Variants in HEMK2 observed in about 807,000 individuals in gnomAD.
The protein encoded by HEMK2 is HemK methyltransferase 2, ETF1 glutamine and histone H4 lysine, also known as methyltransferase HEMK2.
At chr21:28,628,247 T>A in the HEMK2 span, among the ~76,000 whole-genome samples, 1 of 152,164 alleles carries the variant, frequency 6.6e-6, no homozygotes, top group Non-Finnish European at 1.5e-5. Flanking sequence ...TTCCTTTTTA[T>A]TTGACATGCT....
At chr21:28,865,901 A>G in the HEMK2 span, among the ~76,000 whole-genome samples, 4 of 151,970 alleles carry the variant, frequency 2.6e-5, no homozygotes, top group African/African-American at 9.7e-5. Flanking sequence ...CCAAAATTCT[A>G]AAGTTGCCCT....
chr21:28,776,839 G>A, the HEMK2 span, among the ~76,000 whole-genome samples: 5 of 152,130 alleles, frequency 3.3e-5, no homozygotes, highest in South Asian at 2.1e-4. Flanking sequence ...GTCCTTCCAC[G>A]TTCTTCTGCC....
the HEMK2 span, among the ~76,000 whole-genome samples, chr21:28,653,026 C>A: frequency 6.6e-6 from 1 of 152,232 alleles, no homozygotes; most frequent in African/African-American, 2.4e-5. Flanking sequence ...TAACCCTCCC[C>A]TTAATTTGCA....
chr21:28,576,040 T>A, the HEMK2 span, among the ~76,000 whole-genome samples: 1 of 152,212 alleles, frequency 6.6e-6, no homozygotes, highest in Admixed American at 6.5e-5. Flanking sequence ...ATGAACAAAA[T>A]TGTAATGAGC....
chr21:28,810,955 A>C, the HEMK2 span, among the ~76,000 whole-genome samples: 1 of 152,322 alleles, frequency 6.6e-6, no homozygotes, highest in African/African-American at 2.4e-5. Context: ...AAAGATGGAG[A>C]AGGAATCATG....
chr21:28,871,385 C>T, the HEMK2 span, among the ~76,000 whole-genome samples: 1 of 152,120 alleles, frequency 6.6e-6, no homozygotes, highest in Non-Finnish European at 1.5e-5. Flanking sequence ...GTGCTACACA[C>T]TTTTAAACAA....
At chr21:28,762,242 C>T in the HEMK2 span, among the ~76,000 whole-genome samples, 1 of 151,724 alleles carries the variant, frequency 6.6e-6, no homozygotes, top group Non-Finnish European at 1.5e-5. Flanking sequence ...GCCCAAGTTA[C>T]CCACATCACT....
At chr21:28,769,131 G>T in the HEMK2 span, among the ~76,000 whole-genome samples, 1 of 152,034 alleles carries the variant, frequency 6.6e-6, no homozygotes, top group East Asian at 1.9e-4. Context: ...TTACAAACTG[G>T]CAAGGATCCT....
the HEMK2 span, among the ~76,000 whole-genome samples, chr21:28,866,025 A>G: frequency 5.9e-5 from 9 of 151,318 alleles, no homozygotes; most frequent in African/African-American, 2.2e-4. Flanking sequence ...AAGTTTTGGC[A>G]GGCACAGTGA....
the HEMK2 span, among the ~76,000 whole-genome samples, chr21:28,672,244 T>G: frequency 6.6e-6 from 1 of 152,122 alleles, no homozygotes; most frequent in Admixed American, 6.6e-5. Flanking sequence ...TCTCTGTCTC[T>G]TTCTCACCCT....
chr21:28,862,295 C>T, the HEMK2 span, among the ~76,000 whole-genome samples: 14,490 of 149,860 alleles, frequency 0.097, 1,152 homozygotes, highest in African/African-American at 0.19. Flanking sequence ...AAAAAAACCA[C>T]GACCTGCTGA....
At chr21:28,686,275 C>T in the HEMK2 span, among the ~76,000 whole-genome samples, 14 of 152,030 alleles carry the variant, frequency 9.2e-5, no homozygotes, top group Non-Finnish European at 2.1e-4. Context: ...GCTCTTGTTG[C>T]CCAGGCTGGA....
At chr21:28,687,334 C>T in the HEMK2 span, among the ~76,000 whole-genome samples, 1 of 152,238 alleles carries the variant, frequency 6.6e-6, no homozygotes. Context: ...CACACCGTCT[C>T]TTTGGACCTC....
chr21:28,688,933 G>A, the HEMK2 span, among the ~76,000 whole-genome samples: 6 of 152,186 alleles, frequency 3.9e-5, no homozygotes, highest in East Asian at 3.9e-4. Context: ...ATTAATTGAC[G>A]TATTGTTCAT....
chr21:28,584,162 T>C, the HEMK2 span, among the ~76,000 whole-genome samples: 1 of 152,198 alleles, frequency 6.6e-6, no homozygotes, highest in Admixed American at 6.5e-5. Flanking sequence ...ACTATTAAAA[T>C]TCTCTCAAGG....
At chr21:28,672,645 T>C in the HEMK2 span, among the ~76,000 whole-genome samples, 3 of 152,076 alleles carry the variant, frequency 2.0e-5, no homozygotes, top group Non-Finnish European at 1.5e-5. Context: ...TTAAATTAAA[T>C]GTAGAGAGAA....
At chr21:28,662,455 C>T in the HEMK2 span, among the ~76,000 whole-genome samples, 1 of 152,102 alleles carries the variant, frequency 6.6e-6, no homozygotes, top group Non-Finnish European at 1.5e-5. Context: ...CAGGTCCAGG[C>T]ACCATGAAGC....
chr21:28,777,224 C>A, the HEMK2 span, among the ~76,000 whole-genome samples: 1 of 152,066 alleles, frequency 6.6e-6, no homozygotes, highest in East Asian at 1.9e-4. Context: ...CATCAAGAAC[C>A]CTTGTGCCTT....
the HEMK2 span, among the ~76,000 whole-genome samples, chr21:28,626,018 T>A: frequency 6.6e-6 from 1 of 152,062 alleles, no homozygotes; most frequent in Non-Finnish European, 1.5e-5. Flanking sequence ...AAAAAAATGA[T>A]ATCAAATAGA....
Sources: gnomAD v4.1 joint callset for allele counts (sites outside exome capture counted in the v4.1 genomes callset) on GRCh38, gnomAD v4.1.1 for gene constraint, MANE v1.5 for transcripts, NCBI Gene and HGNC (gene_info 2026-07-23, HGNC 2026-07-21) for gene names.